The following KALRN variants were observed in gnomAD, a reference collection of about 807,000 sequenced individuals.
KALRN encodes the protein kalirin RhoGEF kinase, also known as kalirin.
Under a neutral mutation model 353.7 loss-of-function variants are expected in KALRN, and 70 were observed. That is an observed-to-expected ratio of 0.20 (90% CI 0.16 to 0.24). KALRN has a LOEUF of 0.24. KALRN is among the 10% of genes least tolerant of loss of function. The probability of loss-of-function intolerance (pLI) is 1.00; values close to 1 mark genes in which losing one functional copy is unlikely to be tolerated. For synonymous variants in KALRN, 1,391 were observed against 1,434.8 expected (o/e 0.97, Z 0.69); for missense variants, 2,791 against 3,756.7 (o/e 0.74, Z 6.72).
chr3:124,390,436 C>T (rs1226363373), intron 11 of KALRN, among the ~76,000 whole-genome samples: 2 of 152,144 alleles, frequency 1.3e-5, no homozygotes, highest in Non-Finnish European at 2.9e-5. Flanking sequence ...ACAAACATAC[C>T]ACAGACACTC....
chr3:124,203,257 C>T (rs762888122), intron 1 of KALRN, among the ~76,000 whole-genome samples: 5 of 152,138 alleles, frequency 3.3e-5, no homozygotes, highest in East Asian at 1.9e-4. Context: ...TAGTCTGGCT[C>T]GTTATCCCTG....
At chr3:124,186,683 T>G (rs2074266009) in intron 1 of KALRN, among the ~76,000 whole-genome samples, 2 of 152,128 alleles carry the variant, frequency 1.3e-5, no homozygotes, top group Non-Finnish European at 2.9e-5. Context: ...CTAAGGCCAA[T>G]AAACATGTTC....
chr3:124,205,068 A>C (rs1228894994), intron 1 of KALRN, among the ~76,000 whole-genome samples: 3 of 152,224 alleles, frequency 2.0e-5, no homozygotes, highest in Non-Finnish European at 4.4e-5. Flanking sequence ...AATTCCAACA[A>C]AACAGCGTCA....
rs1296266165 is a variant in KALRN, at chr3:124,439,049, T to C, written c.3198+12T>C. On this transcript the variant is annotated intron_variant, in intron 18 of 59. Coordinates refer to ENST00000682506, the MANE Select transcript of KALRN (RefSeq NM_001388419.1). ...AGGCCTTTCTTAAGGTCAGAGCACA[T>C]TGTCATGCAAGGGCTCAGACTCCTG... is the stretch of plus-strand genomic sequence containing the variant. 1.2e-6 allele frequency: 2 copies of C among 1,613,186 alleles called. No homozygotes were observed. Among genetic ancestry groups the C allele is most frequent in the African/African-American group, 2.7e-5 (2 of 74,928 alleles).
At chr3:124,526,669 T>C (rs1425395877) in intron 33 of KALRN, among the ~76,000 whole-genome samples, 1 of 152,076 alleles carries the variant, frequency 6.6e-6, no homozygotes, top group African/African-American at 2.4e-5. Context: ...GCACCACTAG[T>C]CACATCTTTG....
chr3:124,642,811 T>G lies in KALRN; in HGVS notation c.5664+5508T>G, dbSNP rs911871354. ...GGAAGAGATTCCCAAGCCTCGTTTT[T>G]TTTTTTTTTTTTTTTGAGACGGAGT... On this transcript the variant is annotated intron_variant, in intron 37 of 59. Coordinates refer to ENST00000682506, the MANE Select transcript of KALRN (RefSeq NM_001388419.1). Among the ~76,000 whole-genome samples the G allele has an allele frequency of 5.1e-5, 7 of 138,536 alleles. 1 individual carries two copies. The highest frequency in any genetic ancestry group is 7.5e-5 in the Admixed American group (1 of 13,314). 90.9% of individuals were successfully genotyped at this position (138,536 alleles called of 152,430 possible). A position where few individuals can be genotyped will look rare whatever the true frequency, so the allele number is the denominator to read the frequency against.
chr3:124,368,053 A>C (rs1213010347), intron 10 of KALRN, among the ~76,000 whole-genome samples: 6 of 22,246 alleles, frequency 2.7e-4, no homozygotes, highest in Admixed American at 1.5e-3. Context: ...TGACCCCCCC[A>C]CCTCCCTCCC....
chr3:124,088,515 A>C (rs1387890710), intron 1 of KALRN, among the ~76,000 whole-genome samples: 2 of 152,186 alleles, frequency 1.3e-5, no homozygotes, highest in Admixed American at 1.3e-4. Context: ...TGAGAATTTC[A>C]ATGTGACCTG....
chr3:124,122,594 A>G (rs1364539575), intron 1 of KALRN, among the ~76,000 whole-genome samples: 2 of 152,104 alleles, frequency 1.3e-5, no homozygotes, highest in African/African-American at 2.4e-5. Flanking sequence ...CATTATTATT[A>G]TATCTATTAT....
chr3:124,464,128 C>T (rs2060108875), intron 25 of KALRN, among the ~76,000 whole-genome samples: 1 of 152,210 alleles, frequency 6.6e-6, no homozygotes, highest in African/African-American at 2.4e-5. Context: ...ATCATCCCAT[C>T]TCCCTCAGGA....
At chr3:124,464,996 C>G (rs1005248308) in intron 25 of KALRN, among the ~76,000 whole-genome samples, 1 of 152,080 alleles carries the variant, frequency 6.6e-6, no homozygotes, top group African/African-American at 2.4e-5. Flanking sequence ...AACCCTGAGT[C>G]ATGAATATGT....
At chr3:124,113,915 A>T (rs1320181) in intron 1 of KALRN, among the ~76,000 whole-genome samples, 2 of 152,218 alleles carry the variant, frequency 1.3e-5, no homozygotes, top group East Asian at 3.9e-4. Context: ...TCAACCACTT[A>T]AGGAGAGAAG....
At chr3:124,662,046 A>G (rs548749675) in intron 45 of KALRN, 118 bp downstream of exon 45, 14 of 798,080 alleles carry the variant, frequency 1.8e-5, no homozygotes, top group East Asian at 1.5e-4. Context: ...ACTCACCACT[A>G]TGCCTTCCTA....
chr3:124,226,453 G>C (rs2148474018), intron 1 of KALRN, among the ~76,000 whole-genome samples: 1 of 152,254 alleles, frequency 6.6e-6, no homozygotes, highest in East Asian at 1.9e-4. Context: ...CCTTGTAGCT[G>C]GTTCTCTGTC....
At chr3:124,444,932 G>A (rs2093787815) in intron 19 of KALRN, among the ~76,000 whole-genome samples, 1 of 152,144 alleles carries the variant, frequency 6.6e-6, no homozygotes, top group South Asian at 2.1e-4. Flanking sequence ...GAATGAAGGA[G>A]TATGAAAAGT....
chr3:124,092,078 G>A (rs1296838779), intron 1 of KALRN, among the ~76,000 whole-genome samples: 1 of 152,194 alleles, frequency 6.6e-6, no homozygotes, highest in African/African-American at 2.4e-5. Flanking sequence ...TCACCCTGGG[G>A]CTGACCCAAT....
chr3:124,525,654 T>G (rs1334796831), intron 33 of KALRN, among the ~76,000 whole-genome samples: 1 of 152,218 alleles, frequency 6.6e-6, no homozygotes, highest in Non-Finnish European at 1.5e-5. Flanking sequence ...TAAAATTGAT[T>G]GACACAATTG....
chr3:124,596,485 A>G (rs2076278387), intron 34 of KALRN, among the ~76,000 whole-genome samples: 1 of 152,288 alleles, frequency 6.6e-6, no homozygotes, highest in South Asian at 2.1e-4. Context: ...AACAAACAAA[A>G]AAACCCCACA....
chr3:124,673,139 C>T (rs1392106730), intron 48 of KALRN, among the ~76,000 whole-genome samples: 1 of 152,070 alleles, frequency 6.6e-6, no homozygotes, highest in African/African-American at 2.4e-5. Flanking sequence ...AATCCCAGCA[C>T]TTTGGGAGGC....
Sources: allele counts gnomAD v4.1 joint callset (sites outside exome capture counted in the v4.1 genomes callset), GRCh38; gene constraint gnomAD v4.1.1; transcripts MANE v1.5; gene names NCBI Gene and HGNC (gene_info 2026-07-23, HGNC 2026-07-21).